PARPBP: variants seen among roughly 807,000 people sequenced by gnomAD.
The protein encoded by PARPBP is PARP1 binding protein.
A neutral mutation model predicts 50.0 loss-of-function variants in PARPBP; 52 were observed. That is an observed-to-expected ratio of 1.04 (90% CI 0.83 to 1.31). The LOEUF is 1.31. Among genes scored for constraint, PARPBP ranks in the 50% most tolerant of loss-of-function variants. The probability of loss-of-function intolerance (pLI) is 0.00; values close to 1 mark genes in which losing one functional copy is unlikely to be tolerated. For missense variants in PARPBP, 697 were observed against 672.0 expected (o/e 1.04, Z -0.41); for synonymous variants, 244 against 232.1 (o/e 1.05, Z -0.47).
chr12:102,172,789 A>C (rs1473357668), intron 6 of PARPBP, among the ~76,000 whole-genome samples: 1 of 152,232 alleles, frequency 6.6e-6, no homozygotes, highest in Non-Finnish European at 1.5e-5. Context: ...GCACTAAGAC[A>C]GTCCCAGATT....
At chr12:102,143,860 C>T (rs1381431242) in intron 2 of PARPBP, among the ~76,000 whole-genome samples, 2 of 151,864 alleles carry the variant, frequency 1.3e-5, no homozygotes, top group African/African-American at 4.8e-5. Context: ...AATTTTATAC[C>T]TTTATGGAAA....
chr12:102,187,423 A>G (rs1661408156), intron 9 of PARPBP, among the ~76,000 whole-genome samples: 1 of 152,182 alleles, frequency 6.6e-6, no homozygotes, highest in Non-Finnish European at 1.5e-5. Context: ...CAAAATGTGG[A>G]AAATGAACCC....
intron 4 of PARPBP, among the ~76,000 whole-genome samples, chr12:102,161,906 A>G (rs1887641461): frequency 6.6e-6 from 1 of 152,214 alleles, no homozygotes; most frequent in Non-Finnish European, 1.5e-5. Context: ...TTTACTTAAT[A>G]TGCAAGAAAA....
intron 2 of PARPBP, among the ~76,000 whole-genome samples, chr12:102,138,140 A>G (rs997103288): frequency 6.6e-6 from 1 of 152,104 alleles, no homozygotes; most frequent in Non-Finnish European, 1.5e-5. Context: ...AAGTGTTCCT[A>G]TTTCTCCACA....
intron 1 of PARPBP, among the ~76,000 whole-genome samples, chr12:102,121,257 C>G (rs1332702193): frequency 6.6e-6 from 1 of 152,026 alleles, no homozygotes; most frequent in Non-Finnish European, 1.5e-5. Context: ...AGCTCCTGAG[C>G]TAAGAAGGAG....
At chr12:102,153,523 G>A (rs1404180023) in intron 3 of PARPBP, among the ~76,000 whole-genome samples, 2 of 152,232 alleles carry the variant, frequency 1.3e-5, no homozygotes, top group Admixed American at 6.5e-5. Flanking sequence ...TGCATCTTTC[G>A]CAGAGACAGA....
At chr12:102,149,171 A>G (rs1026295657) in intron 3 of PARPBP, among the ~76,000 whole-genome samples, 8 of 152,354 alleles carry the variant, frequency 5.3e-5, no homozygotes, top group Admixed American at 5.2e-4. Context: ...AGCTGGAATT[A>G]GAGGAAAATG....
In PARPBP at chr12:102,153,874, A is replaced by G. The variant is rs1439234708; in HGVS notation, c.393A>G (p.Gln131=). Residue 131 remains glutamine, a synonymous_variant, in exon 4 of 11, where the codon CAA becomes CAG. Coordinates refer to ENST00000327680, the MANE Select transcript of PARPBP (RefSeq NM_017915.5). The part of the protein sequence containing the change: ...CENYNTVSPS[Q]LLDFLSGKQY... ...ATACTCTATGTTTTCTACAGAGTCA[A>G]CTACTGGATTTTCTGTCTGGCAAAC... 6.3e-7 allele frequency: 1 copy of G among 1,576,688 alleles called. No homozygotes were observed. The highest frequency in any genetic ancestry group is 1.1e-5 in the South Asian group (1 of 90,212).
At chr12:102,124,940 A>G (rs1162672045) in intron 2 of PARPBP, among the ~76,000 whole-genome samples, 4 of 152,248 alleles carry the variant, frequency 2.6e-5, no homozygotes, top group East Asian at 1.9e-4. Context: ...GTTACTATAT[A>G]CTATGATCAT....
intron 9 of PARPBP, among the ~76,000 whole-genome samples, chr12:102,190,769 T>G (rs1890723664): frequency 6.6e-6 from 1 of 152,108 alleles, no homozygotes; most frequent in South Asian, 2.1e-4. Context: ...GGAGTTTATA[T>G]TTTAGTTGGG....
intron 2 of PARPBP, among the ~76,000 whole-genome samples, chr12:102,134,828 C>A (rs1189495724): frequency 6.6e-6 from 1 of 152,100 alleles, no homozygotes; most frequent in Non-Finnish European, 1.5e-5. Flanking sequence ...AGGTACGTAC[C>A]ACCATGCCCA....
At chr12:102,150,568 T>TA (rs1203421126) in intron 3 of PARPBP, among the ~76,000 whole-genome samples, 3 of 152,132 alleles carry the variant, frequency 2.0e-5, no homozygotes, top group Admixed American at 1.3e-4. Context: ...ACTCCCTACT[T>TA]ACGATTCCTC....
chr12:102,179,569 T>C (rs1889633560), intron 8 of PARPBP, among the ~76,000 whole-genome samples: 1 of 152,196 alleles, frequency 6.6e-6, no homozygotes, highest in Non-Finnish European at 1.5e-5. Flanking sequence ...CTTTCCTTGG[T>C]AGAAGCACAT....
At chr12:102,153,188 C>A (rs970985152) in intron 3 of PARPBP, among the ~76,000 whole-genome samples, 2 of 152,126 alleles carry the variant, frequency 1.3e-5, no homozygotes, top group South Asian at 4.1e-4. Context: ...CAGCTTTGAT[C>A]CCCTATGATA....
At position 102,182,569 on chromosome 12, in the gene PARPBP, A is replaced by C; in HGVS notation, c.1205A>C (p.Asn402Thr). The change falls in exon 9 of 11, where the codon AAT becomes ACT. Residue 402 changes from asparagine (N) to threonine (T), a missense_variant. Physicochemically the swap from Asn to Thr is moderately conservative, Grantham distance 65. Transcript: ENST00000327680. Reference protein sequence around the residue: ...TLFRSPTQVNNSIKPLRERIC... With the variant: ...TLFRSPTQVNTSIKPLRERIC... Reference sequence around the variant, plus strand: ...CATAGGTCTCCCACACAGGTGAATAATTCGATAAAACCCCTAAGAGAACGC... The same window carrying C: ...CATAGGTCTCCCACACAGGTGAATACTTCGATAAAACCCCTAAGAGAACGC... 6.2e-7 allele frequency: 1 copy of C among 1,612,280 alleles called. No individual in the cohort carries two copies. Among genetic ancestry groups the C allele is most frequent in the Non-Finnish European group, 8.5e-7 (1 of 1,178,960 alleles).
chr12:102,124,915 C>T (rs549822263), intron 2 of PARPBP, among the ~76,000 whole-genome samples: 1 of 151,958 alleles, frequency 6.6e-6, no homozygotes, highest in South Asian at 2.1e-4. Flanking sequence ...CAAATAAGGC[C>T]ATTGAGAAAA....
intron 2 of PARPBP, among the ~76,000 whole-genome samples, chr12:102,142,125 A>G (rs1012998128): frequency 2.0e-5 from 3 of 152,284 alleles, no homozygotes; most frequent in East Asian, 1.9e-4. Flanking sequence ...AGGTACACCA[A>G]TCAGATGTAA....
chr12:102,197,134 AGACCATGATTTAAGAAAT>A lies in PARPBP; in HGVS notation c.*844_*861del, dbSNP rs1266971496. ...AGGTTTTATAGCCAGATTCAGTGGC[AGACCATGATTTAAGAAAT>A]TATGTTTGGAGCCTGTGTTCTGTAA... On this transcript the variant is annotated 3_prime_UTR_variant, in exon 11 of 11. Coordinates refer to ENST00000327680, the MANE Select transcript of PARPBP (RefSeq NM_017915.5). The A allele has an allele frequency of 3.0e-5, 49 of 1,612,152 alleles. No individual in the cohort carries two copies. The highest frequency in any genetic ancestry group is 4.1e-5 in the Non-Finnish European group (48 of 1,178,672).
intron 10 of PARPBP, 58 bp from the exon 11 acceptor site, chr12:102,195,893 G>A (rs529436798): frequency 4.0e-5 from 45 of 1,116,236 alleles, no homozygotes; most frequent in African/African-American, 6.3e-5. Context: ...TAAAGTTCTC[G>A]TAAATATTAA....
Sources: allele counts gnomAD v4.1 joint callset (sites outside exome capture counted in the v4.1 genomes callset), GRCh38; gene constraint gnomAD v4.1.1; transcripts MANE v1.5; gene names NCBI Gene and HGNC (gene_info 2026-07-23, HGNC 2026-07-21).